The following IL34 variants were observed in gnomAD, a reference collection of about 807,000 sequenced individuals.
The protein encoded by IL34 is interleukin 34.
In IL34, 17 loss-of-function variants were observed where a neutral mutation model predicts 25.3. The observed-to-expected ratio is 0.67, with a 90% confidence interval of 0.46 to 1.01. IL34 has a LOEUF of 1.01. Ranked by LOEUF, IL34 falls within the 50% of genes least tolerant of loss-of-function variation. The pLI, the probability that IL34 is intolerant of heterozygous loss-of-function variation, is 0.00. For missense variants in IL34, 368 were observed against 312.9 expected (o/e 1.18, Z -1.33); for synonymous variants, 174 against 140.9 (o/e 1.23, Z -1.66).
At chr16:70,644,317 C>G (rs990829070), upstream of IL34, among the ~76,000 whole-genome samples, 1 of 152,028 alleles carries the variant, frequency 6.6e-6, no homozygotes, top group African/African-American at 2.4e-5. Context: ...TCACCCGCCT[C>G]GGCCTCCCAA....
intron 1 of IL34, among the ~76,000 whole-genome samples, chr16:70,647,455 A>G (rs1002906356): frequency 6.6e-6 from 1 of 152,224 alleles, no homozygotes; most frequent in African/African-American, 2.4e-5. Context: ...ACAGAATTAA[A>G]AAGCAGAAAG....
chr16:70,608,048 G>A (rs1167203701), intron 1 of IL34, among the ~76,000 whole-genome samples: 4 of 150,136 alleles, frequency 2.7e-5, no homozygotes, highest in South Asian at 2.1e-4. Flanking sequence ...GATTACAGGC[G>A]TGAGCCACCT....
In IL34 at chr16:70,660,462, T is replaced by C. The variant is rs376370922; in HGVS notation, c.*275T>C. ...GCTTCTCCTGGTGCTGCCCTCACTG[T>C]CCCCCCGCCTAAAGGGGGTACTGAG... On this transcript the variant is annotated 3_prime_UTR_variant, in exon 6 of 6. Transcript: ENST00000288098. 8 of 358,792 alleles carry C rather than the reference T, an allele frequency of 2.2e-5. No homozygotes were observed. The highest frequency in any genetic ancestry group is 6.3e-5 in the African/African-American group (3 of 47,578). 22.2% of individuals were successfully genotyped at this position (358,792 alleles called of 1,614,324 possible).
At position 70,595,831 on chromosome 16, in the gene IL34, G is replaced by A. The variant is rs182906801; in HGVS notation, c.-401+15782G>A. On this transcript the variant is annotated intron_variant, in intron 1 of 6. Transcript: ENST00000429149. ...GTTCGAGACCAGCTGGGCCAACATG[G>A]TGAAACCCCATTTCTACTAAAAATA... is the stretch of plus-strand genomic sequence containing the variant. Among the ~76,000 whole-genome samples, 205 of 151,744 alleles carry A rather than the reference G, an allele frequency of 1.4e-3. 6 individuals carry two copies. The highest frequency in any genetic ancestry group is 4.5e-3 in the African/African-American group (186 of 41,396).
At chr16:70,629,618 A>G (rs796937891) in intron 1 of IL34, among the ~76,000 whole-genome samples, 5 of 152,212 alleles carry the variant, frequency 3.3e-5, no homozygotes, top group African/African-American at 1.2e-4. Context: ...TTGTTATACT[A>G]TATTGTTTGG....
Position 70,657,010 on chromosome 16 carries a change from G to A in IL34, c.291G>A (p.Val97=), listed in dbSNP as rs1182069640. 1 of 1,612,194 alleles carries A rather than the reference G, an allele frequency of 6.2e-7. No homozygotes were observed. Among genetic ancestry groups the A allele is most frequent in the Non-Finnish European group, 8.5e-7 (1 of 1,179,950 alleles). Residue 97 remains valine (V), a synonymous_variant, in exon 4 of 6, where the codon GTG becomes GTA. Coordinates refer to ENST00000288098, the MANE Select transcript of IL34 (RefSeq NM_001393494.1). ...ERELRYLWVL[V]SLSATESVQD... ...AGCTGCGGTATCTGTGGGTCTTGGT[G>A]AGCCTCAGTGCCACTGAGTCGGTGC...
intron 1 of IL34, among the ~76,000 whole-genome samples, chr16:70,621,044 T>C (rs2051270428): frequency 6.6e-6 from 1 of 151,624 alleles, no homozygotes; most frequent in South Asian, 2.1e-4. Flanking sequence ...GACACAGAGA[T>C]AAGAGTTTGG....
At chr16:70,621,599 T>C (rs373216484) in intron 1 of IL34, among the ~76,000 whole-genome samples, 2 of 152,124 alleles carry the variant, frequency 1.3e-5, no homozygotes, top group Non-Finnish European at 2.9e-5. Flanking sequence ...ATCCGAGTCA[T>C]GGCACCAAAT....
In IL34 at chr16:70,654,581, G is replaced by A; in HGVS notation, c.72G>A (p.Leu24=). The change falls in exon 2 of 6, where the codon TTG becomes TTA. Residue 24 remains leucine, a synonymous_variant. Coordinates refer to ENST00000288098, the MANE Select transcript of IL34 (RefSeq NM_001393494.1). ...GCGTGGCCTTGGGGAATGAGCCTTT[G>A]GAGATGTGGCCCTTGACGCAGAATG... ...FLGVALGNEP[L]EMWPLTQNEE... The A allele has an allele frequency of 1.2e-6, 2 of 1,613,604 alleles. No homozygotes were observed. The highest frequency in any genetic ancestry group is 2.2e-5 in the South Asian group (2 of 90,984).
chr16:70,638,450 G>GA (rs1567457525), intron 1 of IL34, among the ~76,000 whole-genome samples: 1 of 151,476 alleles, frequency 6.6e-6, no homozygotes, highest in African/African-American at 2.4e-5. Context: ...AAAAAATAAA[G>GA]AAAAAAGAAA....
At chr16:70,642,215 T>A (rs1235685955), upstream of IL34, among the ~76,000 whole-genome samples, 1 of 152,016 alleles carries the variant, frequency 6.6e-6, no homozygotes, top group Non-Finnish European at 1.5e-5. Flanking sequence ...ACATGACCAG[T>A]TCTTTGTGTG....
At chr16:70,599,321 C>T (rs1466297791) in intron 1 of IL34, among the ~76,000 whole-genome samples, 30 of 127,138 alleles carry the variant, frequency 2.4e-4, no homozygotes, top group Admixed American at 2.0e-3. Flanking sequence ...TCTTTCTTTT[C>T]TTTCTTTCTC....
chr16:70,626,766 C>G (rs913274486), intron 1 of IL34, among the ~76,000 whole-genome samples: 2 of 152,036 alleles, frequency 1.3e-5, no homozygotes, highest in Non-Finnish European at 2.9e-5. Context: ...GGAATTTATC[C>G]TGATGTGTGC....
chr16:70,614,183 C>CAA (rs35356831), intron 1 of IL34, among the ~76,000 whole-genome samples: 1,722 of 131,098 alleles, frequency 0.013, 37 homozygotes, highest in African/African-American at 0.037. Flanking sequence ...AACCCTGTCT[C>CAA]AAAAAAAAAA....
intron 1 of IL34, among the ~76,000 whole-genome samples, chr16:70,633,429 AATT>A (rs1353974453): frequency 4.0e-5 from 6 of 151,262 alleles, no homozygotes; most frequent in African/African-American, 1.5e-4. Flanking sequence ...AATTAAAAAA[AATT>A]ATTATTTTTT....
chr16:70,644,902 GAA>G, upstream of IL34, among the ~76,000 whole-genome samples: 1 of 132,642 alleles, frequency 7.5e-6, no homozygotes, highest in Non-Finnish European at 1.6e-5. Context: ...GAGGAAGGAG[GAA>G]GAGGAGGGAG....
chr16:70,655,058 C>T (rs1597781479), intron 2 of IL34, among the ~76,000 whole-genome samples: 1 of 145,806 alleles, frequency 6.9e-6, no homozygotes, highest in African/African-American at 2.5e-5. Flanking sequence ...CTCTATGTAT[C>T]TTTTTTTTTT....
intron 4 of IL34, among the ~76,000 whole-genome samples, chr16:70,659,257 A>T (rs2151887294): frequency 6.6e-6 from 1 of 152,242 alleles, no homozygotes. Flanking sequence ...GTTGATGGAG[A>T]TGTCTGCTTC....
chr16:70,583,971 A>C (rs1377424451), intron 1 of IL34, among the ~76,000 whole-genome samples: 3 of 152,024 alleles, frequency 2.0e-5, no homozygotes, highest in Admixed American at 6.6e-5. Context: ...TAGGCTTCTT[A>C]CAGCTCTTTC....
Sources: gnomAD v4.1 joint callset for allele counts (sites outside exome capture counted in the v4.1 genomes callset) on GRCh38, gnomAD v4.1.1 for gene constraint, MANE v1.5 for transcripts, NCBI Gene and HGNC (gene_info 2026-07-23, HGNC 2026-07-21) for gene names.